Variants in NRXN3 observed in about 807,000 individuals in gnomAD.
The protein encoded by NRXN3 is neurexin 3.
NRXN3 carries 32 observed loss-of-function variants against 137.6 expected under a neutral mutation model. The observed-to-expected ratio is 0.23, with a 90% CI of 0.18 to 0.31. The LOEUF (loss-of-function observed/expected upper bound fraction) is 0.31. Ranked by LOEUF, NRXN3 falls within the 10% of genes least tolerant of loss-of-function variation. The pLI is 1.00. For synonymous variants in NRXN3, 798 were observed against 784.5 expected (o/e 1.02, Z -0.29); for missense variants, 1,574 against 2,062.5 (o/e 0.76, Z 4.59).
chr14:79,599,492 T>TAAAAC (rs142723904), intron 16 of NRXN3, among the ~76,000 whole-genome samples: 2 of 152,270 alleles, frequency 1.3e-5, no homozygotes, highest in African/African-American at 2.4e-5. Context: ...CACCCCAACC[T>TAAAAC]AAAACAAAAC....
intron 6 of NRXN3, among the ~76,000 whole-genome samples, chr14:78,655,165 C>G (rs1442994289): frequency 6.6e-6 from 1 of 151,992 alleles, no homozygotes; most frequent in Non-Finnish European, 1.5e-5. Flanking sequence ...ATAATAAGAC[C>G]ACTGATCTTA....
At chr14:79,524,082 T>G (rs894656074) in intron 16 of NRXN3, among the ~76,000 whole-genome samples, 1 of 152,154 alleles carries the variant, frequency 6.6e-6, no homozygotes, top group African/African-American at 2.4e-5. Context: ...AAAACTATCT[T>G]GCGGAGGAGA....
rs562593700 is a variant in NRXN3 at position 79,319,441 on chromosome 14, A to C, written c.3263-147780A>C. Among the ~76,000 whole-genome samples the C allele has an allele frequency of 2.0e-5, 3 of 152,360 alleles. No homozygotes were observed. The East Asian group carries it at 5.8e-4, about 29-fold the overall frequency. On this transcript the variant is annotated intron_variant, in intron 15 of 20. Transcript: ENST00000335750. ...AGGACAAGCTGATTCAATGAAGAAA[A>C]GCTCAGGCTCTTGGAGAGCTTTTAG...
At chr14:78,803,473 A>G (rs2098845569) in intron 8 of NRXN3, 147 bp from the exon 9 acceptor site, 8 of 712,698 alleles carry the variant, frequency 1.1e-5, no homozygotes, top group Non-Finnish European at 1.5e-5. Context: ...CACAGATTAA[A>G]AGGTGGTAAC....
intron 15 of NRXN3, among the ~76,000 whole-genome samples, chr14:79,161,636 G>A (rs778521490): frequency 3.6e-4 from 55 of 152,060 alleles, no homozygotes; most frequent in Non-Finnish European, 5.0e-4. Context: ...GATGTGGCAC[G>A]TATCATTCAC....
chr14:78,511,576 C>G (rs1285151055), intron 4 of NRXN3, among the ~76,000 whole-genome samples: 1 of 152,140 alleles, frequency 6.6e-6, no homozygotes, highest in Non-Finnish European at 1.5e-5. Flanking sequence ...CATCTATTCA[C>G]AGATGGAGAA....
At chr14:78,680,713 G>C (rs1042726588) in intron 6 of NRXN3, among the ~76,000 whole-genome samples, 1 of 151,886 alleles carries the variant, frequency 6.6e-6, no homozygotes, top group Admixed American at 6.6e-5. Context: ...TGTAGTTTTT[G>C]TCTGTTGCTG....
At chr14:79,748,631 G>A (rs912048493) in intron 19 of NRXN3, among the ~76,000 whole-genome samples, 1 of 152,084 alleles carries the variant, frequency 6.6e-6, no homozygotes, top group Non-Finnish European at 1.5e-5. Context: ...TTCCCCACAT[G>A]TGCCTAGTAA....
intron 15 of NRXN3, among the ~76,000 whole-genome samples, chr14:79,343,193 A>G (rs2092700418): frequency 6.6e-6 from 1 of 151,810 alleles, no homozygotes; most frequent in African/African-American, 2.4e-5. Flanking sequence ...CAGCTGCATG[A>G]CTCCTAAACC....
At chr14:78,173,159 C>T (rs544655184) in intron 1 of NRXN3, among the ~76,000 whole-genome samples, 1 of 151,808 alleles carries the variant, frequency 6.6e-6, no homozygotes, top group East Asian at 1.9e-4. Context: ...CTACAGCAAA[C>T]GGGGATGTGG....
intron 15 of NRXN3, among the ~76,000 whole-genome samples, chr14:79,090,767 C>A (rs2049008196): frequency 1.3e-5 from 2 of 152,090 alleles, no homozygotes; most frequent in South Asian, 2.1e-4. Flanking sequence ...TCAGTGATAC[C>A]AAATATGCAG....
intron 10 of NRXN3, among the ~76,000 whole-genome samples, chr14:78,832,043 T>A (rs1170816781): frequency 6.6e-6 from 1 of 152,034 alleles, no homozygotes; most frequent in Non-Finnish European, 1.5e-5. Flanking sequence ...AGTGCCTAGA[T>A]CAAAGGCAGG....
chr14:79,492,117 C>T (rs1168632913), intron 16 of NRXN3, among the ~76,000 whole-genome samples: 1 of 151,986 alleles, frequency 6.6e-6, no homozygotes, highest in Non-Finnish European at 1.5e-5. Context: ...ATTTGCTTGG[C>T]CAACTCAGAA....
At chr14:79,538,681 C>G (rs2097240198) in intron 16 of NRXN3, among the ~76,000 whole-genome samples, 1 of 152,068 alleles carries the variant, frequency 6.6e-6, no homozygotes, top group Non-Finnish European at 1.5e-5. Flanking sequence ...TTCTCCCATT[C>G]TCTAGGTTGC....
intron 4 of NRXN3, among the ~76,000 whole-genome samples, chr14:78,590,093 G>C (rs753167593): frequency 5.3e-5 from 8 of 152,248 alleles, no homozygotes; most frequent in Non-Finnish European, 7.3e-5. Flanking sequence ...AGTCAGGCAA[G>C]TGGCTAAGGA....
chr14:79,504,639 T>TATATATATGTATATATGTATATATATA (rs60009832), intron 16 of NRXN3, among the ~76,000 whole-genome samples: 47 of 93,374 alleles, frequency 5.0e-4, no homozygotes, highest in African/African-American at 1.9e-3. Context: ...AAATGAAGTT[T>TATATATATGTATATATGTATATATATA]TTTATATATA....
chr14:78,769,859 TG>T (rs1180838216), intron 8 of NRXN3, among the ~76,000 whole-genome samples: 4 of 151,904 alleles, frequency 2.6e-5, no homozygotes, highest in African/African-American at 9.7e-5. Context: ...ATCTATTGAG[TG>T]ACTGGTTCCA....
chr14:78,343,816 A>C (rs2082401822), intron 4 of NRXN3, among the ~76,000 whole-genome samples: 1 of 152,164 alleles, frequency 6.6e-6, no homozygotes, highest in Non-Finnish European at 1.5e-5. Flanking sequence ...CCAACCAATT[A>C]ATCAGAATCT....
intron 10 of NRXN3, among the ~76,000 whole-genome samples, chr14:78,832,264 G>A (rs1233085608): frequency 1.3e-5 from 2 of 151,522 alleles, no homozygotes; most frequent in Non-Finnish European, 2.9e-5. Context: ...TGCCTAAGAT[G>A]TTGATACAAT....
Sources: gnomAD v4.1 joint callset for allele counts (sites outside exome capture counted in the v4.1 genomes callset) on GRCh38, gnomAD v4.1.1 for gene constraint, MANE v1.5 for transcripts, NCBI Gene and HGNC (gene_info 2026-07-23, HGNC 2026-07-21) for gene names.